ASTN2: variants seen among roughly 807,000 people sequenced by gnomAD.
ASTN2 encodes astrotactin-2.
ASTN2 carries 54 observed loss-of-function variants against 139.8 expected under a neutral mutation model. The ratio of observed to expected loss-of-function variants is 0.39; its 90% CI spans 0.31 to 0.48. The LOEUF (loss-of-function observed/expected upper bound fraction) is 0.48, where lower values mean the gene tolerates loss of function less well. Among genes scored for constraint, ASTN2 ranks in the 20% least tolerant of loss-of-function variants. The pLI is 0.95. For missense variants in ASTN2, 1,565 were observed against 1,725.1 expected, an observed-to-expected ratio of 0.91 and a Z score of 1.64; for synonymous variants, 756 against 719.5, an observed-to-expected ratio of 1.05 and a Z score of -0.81.
intron 10 of ASTN2, among the ~76,000 whole-genome samples, chr9:116,907,280 AG>A (rs1174827315): frequency 1.3e-5 from 2 of 152,216 alleles, no homozygotes; most frequent in Non-Finnish European, 2.9e-5. Context: ...AGAGCTGGGT[AG>A]TGAATTTCTC....
intron 2 of ASTN2, among the ~76,000 whole-genome samples, chr9:117,281,683 A>T (rs1003525991): frequency 6.6e-6 from 1 of 152,162 alleles, no homozygotes; most frequent in African/African-American, 2.4e-5. Context: ...CCAAGGGGAC[A>T]CACGCCCTGA....
rs189398804 is a variant in ASTN2 at position 116,916,970 on chromosome 9, C to T, written c.1890-53237G>A. On this transcript the variant is annotated intron_variant, in intron 10 of 22. Coordinates refer to ENST00000313400, the MANE Select transcript of ASTN2 (RefSeq NM_001365068.1). ...AATGTTATTGTTCCAGCCATTGGGG[C>T]TGGAAAAACCCTCTATGGAGATTTT... Among the ~76,000 whole-genome samples, 4 of 152,124 alleles carry T rather than the reference C, an allele frequency of 2.6e-5. No homozygotes were observed. The East Asian group carries it at 7.7e-4, about 29-fold the overall frequency.
rs547309875 is a variant in ASTN2, at chr9:116,478,475, G to A, written c.3497+8884C>T. Among the ~76,000 whole-genome samples the A allele has an allele frequency of 3.9e-5, 6 of 152,186 alleles. No individual in the cohort carries two copies. The South Asian group carries it at 6.2e-4, about 16-fold the overall frequency. On this transcript the variant is annotated intron_variant, in intron 20 of 22. Coordinates refer to ENST00000313400, the MANE Select transcript of ASTN2 (RefSeq NM_001365068.1). ...GCAGCTCAGGCCTCTGGTCAGCATGGAAGGTTTCCTCTTTGCTCCCTTCTC... is the reference window on the plus strand; with the variant it reads ...GCAGCTCAGGCCTCTGGTCAGCATGAAAGGTTTCCTCTTTGCTCCCTTCTC...
intron 2 of ASTN2, among the ~76,000 whole-genome samples, chr9:117,215,342 G>C (rs909752149): frequency 6.6e-6 from 1 of 151,962 alleles, no homozygotes; most frequent in Admixed American, 6.6e-5. Flanking sequence ...AGAAACACCA[G>C]TCTTTAAATT....
In ASTN2 at chr9:116,960,262, T is replaced by C. The variant is rs183867125; in HGVS notation, c.1889+14946A>G. ...GCCAAAGGGTTTCAAAAACCTGAGG[T>C]TGATGCTCATTCCTGAGGCCAGGCT... On this transcript the variant is annotated intron_variant, in intron 10 of 22. Coordinates refer to ENST00000313400, the MANE Select transcript of ASTN2 (RefSeq NM_001365068.1). 8.1e-4 allele frequency among the ~76,000 whole-genome samples: 123 copies of C among 152,234 alleles called. 2 individuals are homozygous for C. Among genetic ancestry groups the C allele is most frequent in the East Asian group, 2.9e-3 (15 of 5,166 alleles).
At chr9:116,902,449 A>G (rs570665784) in intron 10 of ASTN2, among the ~76,000 whole-genome samples, 28 of 152,356 alleles carry the variant, frequency 1.8e-4, no homozygotes, top group Non-Finnish European at 2.9e-4. Flanking sequence ...AAAGTAAAAA[A>G]TATACCATAT....
intron 13 of ASTN2, among the ~76,000 whole-genome samples, chr9:116,741,323 G>A (rs1389494085): frequency 6.6e-6 from 1 of 152,182 alleles, no homozygotes; most frequent in Non-Finnish European, 1.5e-5. Context: ...TTGAGGGAAA[G>A]CTAGGAGCCT....
intron 6 of ASTN2, among the ~76,000 whole-genome samples, chr9:117,023,961 T>C (rs1293875098): frequency 6.6e-6 from 1 of 152,090 alleles, no homozygotes; most frequent in Non-Finnish European, 1.5e-5. Context: ...AGATGGATCT[T>C]ACTGAGGGTG....
At chr9:116,447,492 C>G (rs990319367) in intron 20 of ASTN2, among the ~76,000 whole-genome samples, 5 of 152,244 alleles carry the variant, frequency 3.3e-5, no homozygotes, top group South Asian at 2.1e-4. Context: ...GGAAATCAGT[C>G]TTTCCATCTG....
At chr9:117,173,102 G>A (rs141437986) in intron 3 of ASTN2, among the ~76,000 whole-genome samples, 278 of 152,170 alleles carry the variant, frequency 1.8e-3, no homozygotes, top group African/African-American at 6.3e-3. Context: ...ATACTAACTA[G>A]CATAAAGGCA....
chr9:117,278,494 G>T (rs1834248067), intron 2 of ASTN2, among the ~76,000 whole-genome samples: 1 of 152,138 alleles, frequency 6.6e-6, no homozygotes, highest in Non-Finnish European at 1.5e-5. Flanking sequence ...AGAGAAAAAG[G>T]TAAATAAATA....
chr9:116,542,479 G>C (rs186545279), intron 19 of ASTN2, among the ~76,000 whole-genome samples: 24 of 151,818 alleles, frequency 1.6e-4, no homozygotes, highest in Admixed American at 1.6e-3. Flanking sequence ...AAGGGTATTA[G>C]AAAAAAATAT....
intron 6 of ASTN2, among the ~76,000 whole-genome samples, chr9:117,011,003 A>G (rs563287164): frequency 6.6e-6 from 1 of 152,298 alleles, no homozygotes; most frequent in African/African-American, 2.4e-5. Context: ...AACCATCCAC[A>G]TTTCTGGCAG....
At chr9:116,468,144 G>A (rs977581016) in intron 20 of ASTN2, among the ~76,000 whole-genome samples, 2 of 152,160 alleles carry the variant, frequency 1.3e-5, no homozygotes, top group Non-Finnish European at 2.9e-5. Context: ...GGAATGTGAG[G>A]TTTCTGGGGA....
At chr9:117,218,752 A>G (rs1393310485) in intron 2 of ASTN2, among the ~76,000 whole-genome samples, 1 of 152,238 alleles carries the variant, frequency 6.6e-6, no homozygotes, top group Non-Finnish European at 1.5e-5. Context: ...GTAATACTAT[A>G]TCACACAGTT....
intron 7 of ASTN2, among the ~76,000 whole-genome samples, chr9:116,987,937 A>G (rs576247225): frequency 4.0e-4 from 61 of 152,354 alleles, no homozygotes; most frequent in Admixed American, 8.5e-4. Context: ...GGACAAGGGA[A>G]TGATTCATAT....
At chr9:117,211,632 T>C (rs1162437010) in intron 3 of ASTN2, among the ~76,000 whole-genome samples, 2 of 152,134 alleles carry the variant, frequency 1.3e-5, no homozygotes, top group Admixed American at 1.3e-4. Context: ...CTTTATAAAT[T>C]ACCCAGTCTC....
intron 6 of ASTN2, among the ~76,000 whole-genome samples, chr9:117,014,034 C>T (rs967194711): frequency 2.6e-5 from 4 of 152,088 alleles, no homozygotes; most frequent in African/African-American, 9.7e-5. Flanking sequence ...TTTTTATTTT[C>T]CCTCTTTCTT....
intron 13 of ASTN2, among the ~76,000 whole-genome samples, chr9:116,790,197 A>G (rs1830493981): frequency 6.6e-6 from 1 of 152,044 alleles, no homozygotes; most frequent in African/African-American, 2.4e-5. Flanking sequence ...AAGTGCTGGG[A>G]TTGCAGGCGT....
Sources: gnomAD v4.1 joint callset for allele counts (sites outside exome capture counted in the v4.1 genomes callset) on GRCh38, gnomAD v4.1.1 for gene constraint, MANE v1.5 for transcripts, NCBI Gene and HGNC (gene_info 2026-07-23, HGNC 2026-07-21) for gene names.